Variants in NELL1 observed in about 807,000 individuals in gnomAD.
The protein encoded by NELL1 is protein kinase C-binding protein NELL1.
NELL1 carries 76 observed loss-of-function variants against 107.4 expected under a neutral mutation model. That is an observed-to-expected ratio of 0.71 (90% CI 0.59 to 0.86). The LOEUF (loss-of-function observed/expected upper bound fraction) is 0.86, where lower values mean the gene tolerates loss of function less well. Among genes scored for constraint, NELL1 ranks in the 40% least tolerant of loss-of-function variants. The pLI is 0.00. For missense variants in NELL1, 1,024 were observed against 1,005.5 expected (o/e 1.02, Z -0.25); for synonymous variants, 353 against 341.2 (o/e 1.03, Z -0.38).
chr11:21,336,666 T>TACACACACACAC (rs200642265), intron 14 of NELL1, among the ~76,000 whole-genome samples: 4 of 52,652 alleles, frequency 7.6e-5, no homozygotes, highest in East Asian at 1.4e-3. Flanking sequence ...TATATATATA[T>TACACACACACAC]ATATATATAC....
intron 15 of NELL1, among the ~76,000 whole-genome samples, chr11:21,495,215 A>T (rs1369466046): frequency 1.3e-5 from 2 of 152,094 alleles, no homozygotes; most frequent in African/African-American, 4.8e-5. Flanking sequence ...GTCAGCATGG[A>T]TTTGCCTATT....
chr11:21,044,443 G>A (rs1020488495), intron 12 of NELL1, among the ~76,000 whole-genome samples: 2 of 152,132 alleles, frequency 1.3e-5, no homozygotes, highest in Non-Finnish European at 1.5e-5. Context: ...GAAGTTTGGC[G>A]TAGTAGCAGA....
intron 13 of NELL1, among the ~76,000 whole-genome samples, chr11:21,212,598 C>A (rs907746178): frequency 6.6e-6 from 1 of 152,158 alleles, no homozygotes; most frequent in African/African-American, 2.4e-5. Context: ...TGAGCCACCA[C>A]TTCCATGCAG....
chr11:20,694,033 G>A (rs7127710), intron 2 of NELL1, among the ~76,000 whole-genome samples: 80,612 of 151,492 alleles, frequency 0.53, 23,940 homozygotes, highest in Non-Finnish European at 0.66. Flanking sequence ...CATTTCATTC[G>A]TTTCATCTTC....
At chr11:20,703,779 A>G (rs1854863015) in intron 2 of NELL1, among the ~76,000 whole-genome samples, 1 of 152,178 alleles carries the variant, frequency 6.6e-6, no homozygotes, top group African/African-American at 2.4e-5. Flanking sequence ...GTCATTCAGG[A>G]GCAGGTTGTT....
intron 15 of NELL1, among the ~76,000 whole-genome samples, chr11:21,464,590 A>T (rs1853980465): frequency 6.6e-6 from 1 of 152,098 alleles, no homozygotes; most frequent in Admixed American, 6.6e-5. Flanking sequence ...TTTGTATCTA[A>T]AAATGTTCAC....
At chr11:20,988,450 CAT>C (rs1216898558) in intron 12 of NELL1, among the ~76,000 whole-genome samples, 1 of 133,176 alleles carries the variant, frequency 7.5e-6, no homozygotes, top group African/African-American at 2.9e-5. Context: ...TATATATACA[CAT>C]GTACATATAT....
At chr11:20,862,695 G>A (rs1048718644) in intron 4 of NELL1, among the ~76,000 whole-genome samples, 3 of 147,536 alleles carry the variant, frequency 2.0e-5, no homozygotes, top group Non-Finnish European at 3.0e-5. Context: ...TGGAGGGAAG[G>A]TCAGCAGATA....
intron 3 of NELL1, among the ~76,000 whole-genome samples, chr11:20,815,317 C>G (rs976346249): frequency 1.3e-5 from 2 of 152,018 alleles, no homozygotes; most frequent in African/African-American, 2.4e-5. Flanking sequence ...AACTCCTGAC[C>G]TCAGGTGATC....
At chr11:20,836,754 T>C (rs75892945) in intron 3 of NELL1, among the ~76,000 whole-genome samples, 3,518 of 151,844 alleles carry the variant, frequency 0.023, 126 homozygotes, top group African/African-American at 0.081. Flanking sequence ...AAAAAAAAGA[T>C]TAAAAAAAGA....
intron 13 of NELL1, among the ~76,000 whole-genome samples, chr11:21,217,250 T>C (rs866245495): frequency 8.5e-5 from 13 of 152,196 alleles, no homozygotes; most frequent in South Asian, 2.1e-4. Context: ...AAAACTACTT[T>C]ACTTTATCAA....
Position 21,571,233 on chromosome 11 carries a change from C to A in NELL1, c.2157+293C>A, listed in dbSNP as rs1052549669. ...AAATCTCTGCAAGAAAGGAAGCTTT[C>A]AAAACCTTGACTAGTGCTTGTAGTC... On this transcript the variant is annotated intron_variant, in intron 18 of 19. Coordinates refer to ENST00000357134, the MANE Select transcript of NELL1 (RefSeq NM_006157.5). Among the ~76,000 whole-genome samples the A allele has an allele frequency of 2.0e-5, 3 of 151,896 alleles. No homozygotes were observed. The South Asian group carries it at 6.2e-4, about 31-fold the overall frequency.
intron 15 of NELL1, among the ~76,000 whole-genome samples, chr11:21,385,844 T>C (rs1378248182): frequency 6.6e-6 from 1 of 151,850 alleles, no homozygotes; most frequent in Non-Finnish European, 1.5e-5. Context: ...TCAGATTTTA[T>C]CAAAGCAACA....
At chr11:21,274,140 G>A (rs1848802317) in intron 14 of NELL1, among the ~76,000 whole-genome samples, 1 of 152,176 alleles carries the variant, frequency 6.6e-6, no homozygotes, top group African/African-American at 2.4e-5. Flanking sequence ...CCATCAGTGT[G>A]CTGTATTCAG....
chr11:21,388,362 C>A (rs145672448), intron 15 of NELL1, among the ~76,000 whole-genome samples: 4 of 151,832 alleles, frequency 2.6e-5, no homozygotes, highest in African/African-American at 9.6e-5. Context: ...TAGAGAAAGT[C>A]TAATTAGCAA....
At chr11:21,478,929 G>A (rs570113635) in intron 15 of NELL1, among the ~76,000 whole-genome samples, 3 of 151,154 alleles carry the variant, frequency 2.0e-5, no homozygotes, top group East Asian at 1.9e-4. Context: ...TAGCAAACAG[G>A]CATGTAAAAA....
intron 14 of NELL1, among the ~76,000 whole-genome samples, chr11:21,232,157 A>ATATATATAT (rs1284072980): frequency 5.7e-4 from 29 of 51,010 alleles, no homozygotes; most frequent in African/African-American, 2.1e-3. Flanking sequence ...TAAAAAAAAA[A>ATATATATAT]AAATATATAT....
intron 18 of NELL1, among the ~76,000 whole-genome samples, chr11:21,571,616 A>G (rs1024634674): frequency 2.6e-5 from 4 of 151,696 alleles, no homozygotes; most frequent in Non-Finnish European, 5.9e-5. Flanking sequence ...TTCAGATACT[A>G]CATGTTTAAA....
chr11:21,192,201 A>G (rs1006240233), intron 13 of NELL1, among the ~76,000 whole-genome samples: 1 of 152,018 alleles, frequency 6.6e-6, no homozygotes, highest in Admixed American at 6.5e-5. Flanking sequence ...AAGCACAATA[A>G]TATTTATTTA....
Sources: allele counts gnomAD v4.1 joint callset (sites outside exome capture counted in the v4.1 genomes callset), GRCh38; gene constraint gnomAD v4.1.1; transcripts MANE v1.5; gene names NCBI Gene and HGNC (gene_info 2026-07-23, HGNC 2026-07-21).